Variants in CEP63 observed in about 807,000 individuals in gnomAD.
The protein encoded by CEP63 is centrosomal protein 63.
Under a neutral mutation model 89.1 loss-of-function variants are expected in CEP63, and 84 were observed. That is an observed-to-expected ratio of 0.94 (90% CI 0.79 to 1.13). The LOEUF (loss-of-function observed/expected upper bound fraction) is 1.13, where lower values mean the gene tolerates loss of function less well. CEP63 is among the 50% of genes most tolerant of loss of function. The pLI is 0.00. For synonymous variants in CEP63, 267 were observed against 272.5 expected, an observed-to-expected ratio of 0.98 and a Z score of 0.20; for missense variants, 838 against 813.3, an observed-to-expected ratio of 1.03 and a Z score of -0.37.
intron 6 of CEP63, among the ~76,000 whole-genome samples, chr3:134,544,357 T>A (rs1243875313): frequency 6.6e-6 from 1 of 152,170 alleles, no homozygotes. Flanking sequence ...CCAATACTGC[T>A]GGGATGCATA....
the CEP63 span, among the ~76,000 whole-genome samples, chr3:134,685,788 A>G: frequency 2.0e-5 from 3 of 152,306 alleles, no homozygotes; most frequent in South Asian, 6.2e-4. Flanking sequence ...ACACAACCCA[A>G]GGTGATGTCG....
the CEP63 span, among the ~76,000 whole-genome samples, chr3:134,632,817 CT>C: frequency 4.6e-5 from 7 of 151,774 alleles, no homozygotes; most frequent in Non-Finnish European, 4.4e-5. Context: ...AATGCTGGTT[CT>C]TTTTAAAGAT....
Position 134,558,245 on chromosome 3 carries a change from A to C in CEP63, c.1571A>C (p.Lys524Thr). 7 of 1,613,834 alleles carry C rather than the reference A, an allele frequency of 4.3e-6. No individual in the cohort carries two copies. The highest frequency in any genetic ancestry group is 5.9e-6 in the Non-Finnish European group (7 of 1,179,768). The change falls in exon 13 of 15, where the codon AAA (lysine) becomes ACA (threonine). Residue 524 changes from lysine to threonine, a missense_variant. Coordinates refer to ENST00000675561, the MANE Select transcript of CEP63 (RefSeq NM_001353108.3). ...CTACAGAAAGATTTGATGAATACCA[A>C]ATCTCAGCTGGAGATTTCTACTCAG... ...QQLQKDLMNT[K>T]SQLEISTQMC...
the CEP63 span, chr3:134,603,942 C>G: frequency 6.2e-7 from 1 of 1,614,038 alleles, no homozygotes; most frequent in Middle Eastern, 1.6e-4. Context: ...GTTCCTGCCT[C>G]TTCTTGACAA....
the CEP63 span, among the ~76,000 whole-genome samples, chr3:134,775,859 C>G: frequency 6.6e-6 from 1 of 152,128 alleles, no homozygotes. Context: ...TCTTTTCAGC[C>G]GTCTCATTCT....
chr3:134,643,504 T>TGTGTGCACACCCTCACA, the CEP63 span: 2 of 699,292 alleles, frequency 2.9e-6, no homozygotes, highest in Admixed American at 4.5e-5. Flanking sequence ...CAGGCCTAAA[T>TGTGTGCACACCCTCACA]GTGTGCACAC....
chr3:134,715,500 G>C, the CEP63 span, among the ~76,000 whole-genome samples: 1 of 148,454 alleles, frequency 6.7e-6, no homozygotes, highest in South Asian at 2.1e-4. Context: ...CAGAAGGGTT[G>C]TGCAGCCAGG....
intron 6 of CEP63, among the ~76,000 whole-genome samples, chr3:134,543,809 T>C (rs1289920054): frequency 6.6e-6 from 1 of 150,726 alleles, no homozygotes; most frequent in African/African-American, 2.4e-5. Context: ...ATATCTGCAT[T>C]TATTTATTCT....
At chr3:134,586,903 T>C (rs1211863623) in intron 10 of CEP63, among the ~76,000 whole-genome samples, 2 of 152,208 alleles carry the variant, frequency 1.3e-5, no homozygotes, top group Non-Finnish European at 2.9e-5. Flanking sequence ...TTTACTCTTT[T>C]TTCTCTAATC....
the CEP63 span, among the ~76,000 whole-genome samples, chr3:134,740,305 T>C: frequency 3.8e-4 from 57 of 150,966 alleles, no homozygotes; most frequent in Admixed American, 3.6e-3. Flanking sequence ...TTTATTTATT[T>C]ATTTATTTTT....
At chr3:134,762,927 T>C in the CEP63 span, among the ~76,000 whole-genome samples, 1 of 152,182 alleles carries the variant, frequency 6.6e-6, no homozygotes, top group Admixed American at 6.5e-5. Flanking sequence ...TAAGTAGAGA[T>C]GAAAAGTTTC....
At chr3:134,766,677 A>G in the CEP63 span, among the ~76,000 whole-genome samples, 1 of 152,244 alleles carries the variant, frequency 6.6e-6, no homozygotes, top group South Asian at 2.1e-4. Context: ...CGGAACAGTC[A>G]CAAGGTTTGT....
At chr3:134,560,023 G>A (rs1414064980) in intron 14 of CEP63, among the ~76,000 whole-genome samples, 1 of 152,210 alleles carries the variant, frequency 6.6e-6, no homozygotes, top group Non-Finnish European at 1.5e-5. Context: ...TGGCCATATA[G>A]ATGTGAAAGT....
the CEP63 span, among the ~76,000 whole-genome samples, chr3:134,613,414 G>A: frequency 7.9e-5 from 12 of 152,320 alleles, no homozygotes; most frequent in South Asian, 1.0e-3. Flanking sequence ...CTGGAAAGGA[G>A]AGCAGGAGGA....
At chr3:134,508,764 T>G (rs1944118714) in intron 3 of CEP63, among the ~76,000 whole-genome samples, 1 of 152,114 alleles carries the variant, frequency 6.6e-6, no homozygotes, top group African/African-American at 2.4e-5. Flanking sequence ...GATTCCATGG[T>G]AAGGATATGA....
At chr3:134,692,263 C>G in the CEP63 span, among the ~76,000 whole-genome samples, 2 of 152,150 alleles carry the variant, frequency 1.3e-5, no homozygotes, top group Admixed American at 6.5e-5. Context: ...TTCCCCCTCC[C>G]CCAACCCCAT....
chr3:134,570,755 G>A, intron 11 of CEP63, among the ~76,000 whole-genome samples: 1 of 152,126 alleles, frequency 6.6e-6, no homozygotes, highest in East Asian at 1.9e-4. Flanking sequence ...CCAATTTACT[G>A]TATTAGTCTG....
At chr3:134,573,811 T>C (rs1175875874) in intron 11 of CEP63, among the ~76,000 whole-genome samples, 1 of 152,232 alleles carries the variant, frequency 6.6e-6, no homozygotes, top group Non-Finnish European at 1.5e-5. Context: ...TAATTTTTTT[T>C]ATTCATGACA....
chr3:134,651,409 C>T, the CEP63 span: 7 of 1,086,172 alleles, frequency 6.4e-6, no homozygotes, highest in African/African-American at 3.4e-5. Flanking sequence ...CGAGAAGCCC[C>T]TGGCAAATAC....
Sources: gnomAD v4.1 joint callset for allele counts (sites outside exome capture counted in the v4.1 genomes callset) on GRCh38, gnomAD v4.1.1 for gene constraint, MANE v1.5 for transcripts, NCBI Gene and HGNC (gene_info 2026-07-23, HGNC 2026-07-21) for gene names.